The following MTAP variants were observed in gnomAD, a reference collection of about 807,000 sequenced individuals.
MTAP encodes S-methyl-5'-thioadenosine phosphorylase.
Under a neutral mutation model 33.6 loss-of-function variants are expected in MTAP, and 33 were observed. The ratio of observed to expected loss-of-function variants is 0.98; its 90% CI spans 0.74 to 1.31. The LOEUF (loss-of-function observed/expected upper bound fraction) is 1.31. Among genes scored for constraint, MTAP ranks in the 40% most tolerant of loss-of-function variants. The pLI, the probability that MTAP is intolerant of heterozygous loss-of-function variation, is 0.00. For synonymous variants in MTAP, 148 were observed against 125.7 expected (o/e 1.18, Z -1.19); for missense variants, 367 against 360.0 (o/e 1.02, Z -0.16).
At chr9:21,819,299 C>T (rs1824569264) in intron 4 of MTAP, among the ~76,000 whole-genome samples, 1 of 152,130 alleles carries the variant, frequency 6.6e-6, no homozygotes, top group Non-Finnish European at 1.5e-5. Context: ...ACTCCCCCAA[C>T]CCCACAAGAG....
chr9:21,837,406 T>C (rs1420736710), intron 4 of MTAP, among the ~76,000 whole-genome samples: 1 of 152,178 alleles, frequency 6.6e-6, no homozygotes, highest in Non-Finnish European at 1.5e-5. Flanking sequence ...ACAAATTTTT[T>C]TAAGACATTG....
chr9:21,861,854 A>G, intron 7 of MTAP, 122 bp from the exon 8 acceptor site: 2 of 723,978 alleles, frequency 2.8e-6, no homozygotes, highest in Non-Finnish European at 4.9e-6. Flanking sequence ...GAATTTATTT[A>G]AAGTGTATGT....
chr9:21,831,865 A>G (rs1824975025), intron 4 of MTAP, among the ~76,000 whole-genome samples: 1 of 152,124 alleles, frequency 6.6e-6, no homozygotes, highest in South Asian at 2.1e-4. Flanking sequence ...CCGGTGCTAA[A>G]CAGTTTCTAT....
At chr9:21,878,904 G>A (rs925400178) in intron 1 of MTAP, among the ~76,000 whole-genome samples, 1 of 152,074 alleles carries the variant, frequency 6.6e-6, no homozygotes, top group Non-Finnish European at 1.5e-5. Flanking sequence ...TTTTTATTGC[G>A]CTATAGTCCT....
In MTAP at chr9:21,864,800, G is replaced by T; in HGVS notation, c.*2786G>T. On this transcript the variant is annotated 3_prime_UTR_variant, in exon 8 of 8. Transcript: ENST00000644715. ...CTGCCCTGAGCCAGCTGCCCTGCAG[G>T]TGCCACGTGAGCCTGCTCTGGCATC... The T allele has an allele frequency of 1.0e-6, 1 of 985,460 alleles. No individual in the cohort carries two copies. Among genetic ancestry groups the T allele is most frequent in the Non-Finnish European group, 1.2e-6 (1 of 829,976 alleles). 61.0% of individuals were successfully genotyped at this position (985,460 alleles called of 1,614,324 possible).
chr9:21,820,938 G>C (rs924034040), intron 4 of MTAP, among the ~76,000 whole-genome samples: 14 of 152,148 alleles, frequency 9.2e-5, no homozygotes, highest in African/African-American at 3.1e-4. Context: ...TCTGTTATTG[G>C]TGTATAAGAA....
chr9:21,904,957 C>G (rs1818451552), intron 1 of MTAP, among the ~76,000 whole-genome samples: 1 of 152,146 alleles, frequency 6.6e-6, no homozygotes, highest in Admixed American at 6.5e-5. Flanking sequence ...TCTTTGGTAT[C>G]CCGCTGCTCA....
Position 21,803,012 on chromosome 9 carries a change from A to G in MTAP, c.33+231A>G, listed in dbSNP as rs1005699563. 93 of 1,085,384 alleles carry G rather than the reference A, an allele frequency of 8.6e-5. No homozygotes were observed. The East Asian group carries it at 2.7e-3, about 32-fold the overall frequency. The allele number at this position is 1,085,384 out of a possible 1,614,324, so 67.2% of individuals were successfully genotyped here. ...CACACACACACACACACACACACACACACACACACACACACACACACACAC... is the reference window on the plus strand; with the variant it reads ...CACACACACACACACACACACACACGCACACACACACACACACACACACAC... On this transcript the variant is annotated intron_variant, in intron 1 of 7. Coordinates refer to ENST00000644715, the MANE Select transcript of MTAP (RefSeq NM_002451.4).
chr9:21,870,827 G>GC (rs1825924793), downstream of MTAP, among the ~76,000 whole-genome samples: 1 of 145,224 alleles, frequency 6.9e-6, no homozygotes, highest in African/African-American at 2.6e-5. Context: ...AGGCTGGAGT[G>GC]CAGTGGCATG....
At chr9:21,821,895 A>G (rs567393566) in intron 4 of MTAP, among the ~76,000 whole-genome samples, 55 of 152,290 alleles carry the variant, frequency 3.6e-4, no homozygotes, top group Admixed American at 7.2e-4. Flanking sequence ...CATTTCTTCT[A>G]GATTTTCTAG....
intron 1 of MTAP, among the ~76,000 whole-genome samples, chr9:21,919,670 G>A (rs1007847299): frequency 1.3e-5 from 2 of 152,226 alleles, no homozygotes; most frequent in Non-Finnish European, 2.9e-5. Context: ...TGGGTAAGGA[G>A]TGGAGTGATG....
intron 4 of MTAP, among the ~76,000 whole-genome samples, chr9:21,823,994 A>G (rs1244094194): frequency 6.6e-6 from 1 of 152,164 alleles, no homozygotes; most frequent in Non-Finnish European, 1.5e-5. Context: ...TGGTTATTCT[A>G]GTTAGCCATT....
intron 4 of MTAP, among the ~76,000 whole-genome samples, chr9:21,835,032 C>T (rs1825069702): frequency 6.6e-6 from 1 of 152,152 alleles, no homozygotes; most frequent in African/African-American, 2.4e-5. Context: ...TTCTCACAGT[C>T]CTGGAGGCTG....
At chr9:21,909,478 A>G (rs373578010) in intron 1 of MTAP, among the ~76,000 whole-genome samples, 1 of 152,154 alleles carries the variant, frequency 6.6e-6, no homozygotes. Flanking sequence ...GGCATTCTCA[A>G]ATTTAATCTT....
intron 1 of MTAP, among the ~76,000 whole-genome samples, chr9:21,891,700 T>C (rs533238229): frequency 5.3e-5 from 8 of 152,164 alleles, no homozygotes; most frequent in Admixed American, 4.6e-4. Context: ...GTAAAATATA[T>C]TTAATGAGAC....
intron 1 of MTAP, among the ~76,000 whole-genome samples, chr9:21,803,695 T>C (rs1198408186): frequency 6.6e-6 from 1 of 150,784 alleles, no homozygotes; most frequent in East Asian, 2.0e-4. Flanking sequence ...ACTTAAGACC[T>C]CTTCTAGGCA....
intron 1 of MTAP, among the ~76,000 whole-genome samples, chr9:21,810,565 A>G (rs1230505644): frequency 6.6e-6 from 1 of 152,016 alleles, no homozygotes; most frequent in Non-Finnish European, 1.5e-5. Context: ...CATGACTCAA[A>G]CTCCTCTTAA....
intron 1 of MTAP, among the ~76,000 whole-genome samples, chr9:21,905,392 A>G (rs921364899): frequency 2.6e-5 from 4 of 151,162 alleles, no homozygotes; most frequent in Middle Eastern, 6.8e-3. Context: ...CCCTCCCTGT[A>G]TCAAATAGAC....
intron 1 of MTAP, among the ~76,000 whole-genome samples, chr9:21,804,912 C>G (rs376002881): frequency 1.3e-5 from 2 of 152,336 alleles, no homozygotes; most frequent in African/African-American, 4.8e-5. Flanking sequence ...GAAGTGTGGT[C>G]TCTGCCCTGT....
Sources: gnomAD v4.1 joint callset for allele counts (sites outside exome capture counted in the v4.1 genomes callset) on GRCh38, gnomAD v4.1.1 for gene constraint, MANE v1.5 for transcripts, NCBI Gene and HGNC (gene_info 2026-07-23, HGNC 2026-07-21) for gene names.